The following VWC2 variants were observed in gnomAD, a reference collection of about 807,000 sequenced individuals.
VWC2 encodes the protein brorin.
Under a neutral mutation model 29.8 loss-of-function variants are expected in VWC2, and 14 were observed. That is an observed-to-expected ratio of 0.47 (90% confidence interval 0.31 to 0.74). The LOEUF is 0.74. Ranked by LOEUF, VWC2 falls within the 30% of genes least tolerant of loss-of-function variation. VWC2 has a pLI of 0.05. For missense variants in VWC2, 457 were observed against 459.8 expected, an observed-to-expected ratio of 0.99 and a Z score of 0.05; for synonymous variants, 213 against 199.0, an observed-to-expected ratio of 1.07 and a Z score of -0.59.
chr7:49,911,859 T>A (rs1372060156), intron 3 of VWC2, among the ~76,000 whole-genome samples, 175 bp from the exon 4 acceptor site: 1 of 151,360 alleles, frequency 6.6e-6, no homozygotes, highest in Non-Finnish European at 1.5e-5. Context: ...ATCGTGCCAC[T>A]GCACTCCAGC....
chr7:49,885,558 A>G (rs556403994), intron 3 of VWC2, among the ~76,000 whole-genome samples: 1 of 152,370 alleles, frequency 6.6e-6, no homozygotes, highest in South Asian at 2.1e-4. Context: ...TACAAGAATT[A>G]TCTATTTCAA....
At chr7:49,905,639 G>C (rs964715807) in intron 3 of VWC2, among the ~76,000 whole-genome samples, 2 of 152,122 alleles carry the variant, frequency 1.3e-5, no homozygotes, top group East Asian at 3.9e-4. Flanking sequence ...CTGTCTAATG[G>C]AGATGTCAGA....
chr7:49,856,908 C>T (rs1790443162), intron 3 of VWC2, among the ~76,000 whole-genome samples: 1 of 145,738 alleles, frequency 6.9e-6, no homozygotes, highest in Admixed American at 7.1e-5. Context: ...ACTCGGGAGG[C>T]TGAGGCAGGA....
At chr7:49,896,874 A>G (rs1792407723) in intron 3 of VWC2, among the ~76,000 whole-genome samples, 1 of 145,106 alleles carries the variant, frequency 6.9e-6, no homozygotes, top group African/African-American at 2.5e-5. Flanking sequence ...AGAAAATTGG[A>G]TTGATAATTT....
chr7:49,791,680 C>G (rs1224284787), intron 2 of VWC2, among the ~76,000 whole-genome samples: 1 of 152,196 alleles, frequency 6.6e-6, no homozygotes, highest in African/African-American at 2.4e-5. Context: ...CTGACTCAAG[C>G]CAGGGTGGTG....
In VWC2 at chr7:49,773,692, C is replaced by A. The variant is rs368861414; in HGVS notation, c.-525C>A. 1.3e-5 allele frequency: 2 copies of A among 152,136 alleles called. No homozygotes were observed. Among genetic ancestry groups the A allele is most frequent in the Non-Finnish European group, 2.9e-5 (2 of 68,080 alleles). The allele number at this position is 152,136 out of a possible 1,614,324, so 9.4% of individuals were successfully genotyped here. ...ACTCGCGCGCCGGCCGCGCTCCGGGCTTCTCTTTTCCCTCCGACGCGCCAC... is the reference window on the plus strand; with the variant it reads ...ACTCGCGCGCCGGCCGCGCTCCGGGATTCTCTTTTCCCTCCGACGCGCCAC... On this transcript the variant is annotated 5_prime_UTR_variant, in exon 1 of 4. Transcript: ENST00000340652.
intron 3 of VWC2, among the ~76,000 whole-genome samples, chr7:49,868,834 G>A (rs1029200209): frequency 6.6e-6 from 1 of 152,136 alleles, no homozygotes; most frequent in Non-Finnish European, 1.5e-5. Flanking sequence ...GGCCAGGCTG[G>A]TCTTGAACTC....
intron 3 of VWC2, among the ~76,000 whole-genome samples, chr7:49,846,948 C>G (rs1165360452): frequency 6.6e-6 from 1 of 152,182 alleles, no homozygotes; most frequent in Non-Finnish European, 1.5e-5. Context: ...AGCAGTTTGA[C>G]AGATTGCATA....
At chr7:49,857,743 T>G (rs1790482906) in intron 3 of VWC2, among the ~76,000 whole-genome samples, 1 of 152,140 alleles carries the variant, frequency 6.6e-6, no homozygotes. Flanking sequence ...GTATGGAGAT[T>G]TCTCAACAAG....
intron 3 of VWC2, among the ~76,000 whole-genome samples, chr7:49,861,352 T>C (rs964723642): frequency 1.3e-5 from 2 of 152,318 alleles, no homozygotes; most frequent in East Asian, 3.9e-4. Context: ...TGCCTTTTTG[T>C]TGTTGAGGTT....
At chr7:49,839,121 G>A (rs938384395) in intron 3 of VWC2, among the ~76,000 whole-genome samples, 1 of 152,168 alleles carries the variant, frequency 6.6e-6, no homozygotes, top group Non-Finnish European at 1.5e-5. Flanking sequence ...GCAGCTGTCT[G>A]TAAGCCAGGA....
In VWC2 at chr7:49,775,626, GC is replaced by G; in HGVS notation, c.194del (p.Pro65ArgfsTer29). 1 of 1,529,822 alleles carries G rather than the reference GC, an allele frequency of 6.5e-7. No homozygotes were observed. Among genetic ancestry groups the G allele is most frequent in the Non-Finnish European group, 8.8e-7 (1 of 1,141,332 alleles). 94.8% of individuals were successfully genotyped at this position (1,529,822 alleles called of 1,614,324 possible). On this transcript the variant is annotated frameshift_variant, in exon 2 of 4. Coordinates refer to ENST00000340652, the MANE Select transcript of VWC2 (RefSeq NM_198570.5). LOFTEE classifies it high-confidence loss of function. ...CCGGGGCGGGTGAACGAGCTCGGGCGCCCGGCGAGGGACGAGGGCGGCAGCG... is the reference window on the plus strand; with the variant it reads ...CCGGGGCGGGTGAACGAGCTCGGGCGCCGGCGAGGGACGAGGGCGGCAGCG... ...DGPGRVNELG[R>X]PARDEGGSGR...
At chr7:49,890,417 A>T (rs1792078195) in intron 3 of VWC2, among the ~76,000 whole-genome samples, 2 of 152,212 alleles carry the variant, frequency 1.3e-5, no homozygotes, top group South Asian at 2.1e-4. Flanking sequence ...CATATATAAG[A>T]TTGCTAAATT....
intron 2 of VWC2, among the ~76,000 whole-genome samples, chr7:49,783,927 A>G (rs1315650287): frequency 6.6e-6 from 1 of 152,022 alleles, no homozygotes; most frequent in African/African-American, 2.4e-5. Flanking sequence ...AAAAAAAAGA[A>G]AAGAAATTAA....
chr7:49,825,371 C>T (rs1789369593), intron 3 of VWC2, among the ~76,000 whole-genome samples: 1 of 152,144 alleles, frequency 6.6e-6, no homozygotes, highest in South Asian at 2.1e-4. Context: ...AGTTTTTTCT[C>T]CTTCAGTATG....
intron 2 of VWC2, among the ~76,000 whole-genome samples, chr7:49,789,271 G>GT (rs1491298179): frequency 9.9e-5 from 13 of 130,742 alleles, no homozygotes; most frequent in South Asian, 4.3e-4. Flanking sequence ...GTGTGTGAGC[G>GT]GGTGTGTGTG....
At position 49,905,731 on chromosome 7, in the gene VWC2, G is replaced by C. The variant is rs909056802; in HGVS notation, c.827-6303G>C. 4.6e-5 allele frequency among the ~76,000 whole-genome samples: 7 copies of C among 152,260 alleles called. No individual in the cohort carries two copies. The East Asian group carries it at 1.4e-3, about 29-fold the overall frequency. On this transcript the variant is annotated intron_variant, in intron 3 of 3. Transcript: ENST00000340652. ...GACCTACTGGGCTGCATTCCCAGAT[G>C]GTTAAGGCATTCTAAGTCACGAGAT...
chr7:49,804,636 C>G (rs920740591), intron 3 of VWC2, among the ~76,000 whole-genome samples: 1 of 152,070 alleles, frequency 6.6e-6, no homozygotes, highest in African/African-American at 2.4e-5. Flanking sequence ...GGATTTCAAC[C>G]CCTGGATTTT....
chr7:49,833,186 T>C (rs1258417461), intron 3 of VWC2, among the ~76,000 whole-genome samples: 1 of 152,216 alleles, frequency 6.6e-6, no homozygotes, highest in Non-Finnish European at 1.5e-5. Flanking sequence ...TTGATGTTTA[T>C]TGACACAGAG....
Sources: gnomAD v4.1 joint callset for allele counts (sites outside exome capture counted in the v4.1 genomes callset) on GRCh38, gnomAD v4.1.1 for gene constraint, MANE v1.5 for transcripts, NCBI Gene and HGNC (gene_info 2026-07-23, HGNC 2026-07-21) for gene names.